Variants in AEBP2 observed in about 807,000 individuals in gnomAD.
The protein encoded by AEBP2 is zinc finger protein AEBP2.
A neutral mutation model predicts 50.8 loss-of-function variants in AEBP2; 10 were observed. That is an observed-to-expected ratio of 0.20 (90% CI 0.12 to 0.33). The LOEUF (loss-of-function observed/expected upper bound fraction) is 0.33, where lower values mean the gene tolerates loss of function less well. Among genes scored for constraint, AEBP2 ranks in the 10% least tolerant of loss-of-function variants. The pLI, the probability that AEBP2 is intolerant of heterozygous loss-of-function variation, is 1.00. For synonymous variants in AEBP2, 296 were observed against 261.3 expected (o/e 1.13, Z -1.28); for missense variants, 570 against 688.0 (o/e 0.83, Z 1.92).
Position 19,439,601 on chromosome 12 carries a change from G to A in AEBP2, c.-99G>A. 1.4e-6 allele frequency: 2 copies of A among 1,424,686 alleles called. No individual in the cohort carries two copies. Among genetic ancestry groups the A allele is most frequent in the Non-Finnish European group, 1.9e-6 (2 of 1,077,412 alleles). 88.3% of individuals were successfully genotyped at this position (1,424,686 alleles called of 1,614,324 possible). A position where few individuals can be genotyped will look rare whatever the true frequency, so the allele number is the denominator to read the frequency against. ...CCTCCTCCTGCTCTGCAGCGGCGTC[G>A]GCGGAGTTTTGGGCGTTTGGGAGGG... On this transcript the variant is annotated 5_prime_UTR_variant, in exon 1 of 8. Coordinates refer to ENST00000266508, the MANE Select transcript of AEBP2 (RefSeq NM_153207.5).
chr12:19,405,098 G>A (rs1317139947), intron 1 of AEBP2, among the ~76,000 whole-genome samples: 1 of 151,462 alleles, frequency 6.6e-6, no homozygotes, highest in African/African-American at 2.4e-5. Context: ...ACCACGCCCA[G>A]CTAATTTTTT....
chr12:19,473,421 A>AT, intron 3 of AEBP2, 66 bp downstream of exon 3: 3 of 522,138 alleles, frequency 5.7e-6, no homozygotes, highest in Non-Finnish European at 7.9e-6. Flanking sequence ...TTATTTATTT[A>AT]TGACAGAAGA....
chr12:19,500,061 T>C lies in AEBP2; in HGVS notation c.1175-36T>C, dbSNP rs766594420. ...TTTATTACTTATTACTGTTATGTTTTTCTAAATATTCTTTACTTTTTATGT... is the reference window on the plus strand; with the variant it reads ...TTTATTACTTATTACTGTTATGTTTCTCTAAATATTCTTTACTTTTTATGT... On this transcript the variant is annotated intron_variant, in intron 4 of 7. Coordinates refer to ENST00000266508, the MANE Select transcript of AEBP2 (RefSeq NM_153207.5). 3.2e-6 allele frequency: 5 copies of C among 1,557,258 alleles called. No homozygotes were observed. The East Asian group carries it at 1.2e-4, about 37-fold the overall frequency.
At chr12:19,445,056 C>G (rs1948035084) in intron 1 of AEBP2, among the ~76,000 whole-genome samples, 1 of 151,766 alleles carries the variant, frequency 6.6e-6, no homozygotes, top group African/African-American at 2.4e-5. Flanking sequence ...CTTGAGGTCT[C>G]TTGTCTATGA....
chr12:19,516,564 CAA>C (rs1399588921), intron 7 of AEBP2, among the ~76,000 whole-genome samples: 2 of 152,114 alleles, frequency 1.3e-5, no homozygotes, highest in African/African-American at 4.8e-5. Flanking sequence ...TGACTTAAAA[CAA>C]AATTTAAGCT....
intron 2 of AEBP2, among the ~76,000 whole-genome samples, chr12:19,464,346 G>C (rs534073651): frequency 2.0e-5 from 3 of 152,052 alleles, no homozygotes; most frequent in Non-Finnish European, 4.4e-5. Flanking sequence ...TGAGCATCAT[G>C]GCATGATGCT....
Position 19,440,045 on chromosome 12 carries a change from G to C in AEBP2, c.346G>C (p.Gly116Arg), listed in dbSNP as rs1241050391. The change falls in exon 1 of 8, where the codon GGT (glycine) becomes CGT (arginine). Residue 116 changes from glycine (G) to arginine (R), a missense_variant. Gly to Arg is a moderately radical substitution (Grantham distance 125). Coordinates refer to ENST00000266508, the MANE Select transcript of AEBP2 (RefSeq NM_153207.5). The stretch of plus-strand genomic sequence containing the variant: ...AGATGAGAGCAGCAGCAGCGGCGGG[G>C]GTGAGGAGGAGAGTAGCGCCGAGAG... ...EEDESSSSGG[G>R]EEESSAESLV... 1 of 1,523,856 alleles carries C rather than the reference G, an allele frequency of 6.6e-7. No homozygotes were observed. The highest frequency in any genetic ancestry group is 2.6e-5 in the East Asian group (1 of 38,864). The allele number at this position is 1,523,856 out of a possible 1,614,324, so 94.4% of individuals were successfully genotyped here.
intron 2 of AEBP2, among the ~76,000 whole-genome samples, chr12:19,472,631 A>T (rs926089396): frequency 2.6e-5 from 4 of 152,164 alleles, no homozygotes; most frequent in Non-Finnish European, 5.9e-5. Flanking sequence ...AGGGTCTCAA[A>T]TATCTCTCTA....
At chr12:19,454,940 C>A (rs1318267063) in intron 1 of AEBP2, among the ~76,000 whole-genome samples, 1 of 152,026 alleles carries the variant, frequency 6.6e-6, no homozygotes, top group Non-Finnish European at 1.5e-5. Context: ...AAAAGTATTC[C>A]CGTTTAGAAA....
At chr12:19,499,890 G>A (rs922970986) in intron 4 of AEBP2, among the ~76,000 whole-genome samples, 2 of 152,052 alleles carry the variant, frequency 1.3e-5, no homozygotes, top group Non-Finnish European at 2.9e-5. Context: ...ACTCACCAAG[G>A]GTCAGAATTA....
intron 5 of AEBP2, among the ~76,000 whole-genome samples, chr12:19,503,819 A>G (rs1420770523): frequency 1.3e-5 from 2 of 151,830 alleles, no homozygotes; most frequent in Admixed American, 1.3e-4. Context: ...ACCACGCCCT[A>G]CTGATATCCT....
At chr12:19,501,506 G>A (rs1350759854) in intron 5 of AEBP2, among the ~76,000 whole-genome samples, 1 of 151,976 alleles carries the variant, frequency 6.6e-6, no homozygotes, top group African/African-American at 2.4e-5. Context: ...GCATAGTGGT[G>A]TGCACCTGTA....
In AEBP2 at chr12:19,451,063, G is replaced by A. The variant is rs1242106572; in HGVS notation, c.671+10693G>A. 4.6e-5 allele frequency among the ~76,000 whole-genome samples: 7 copies of A among 152,152 alleles called. No homozygotes were observed. In the South Asian group the frequency reaches 1.2e-3, roughly 27 times the overall value. ...TAATTTATCTGAAAGAAAAGGATAC[G>A]AATAACAGTTTATTAGAGTTGTAAG... On this transcript the variant is annotated intron_variant, in intron 1 of 7. Coordinates refer to ENST00000266508, the MANE Select transcript of AEBP2 (RefSeq NM_153207.5).
chr12:19,412,917 C>T (rs1318620541), intron 1 of AEBP2, among the ~76,000 whole-genome samples: 7 of 152,190 alleles, frequency 4.6e-5, no homozygotes, highest in South Asian at 2.1e-4. Flanking sequence ...GCCTCATGGC[C>T]GGCTCCGAGG....
intron 7 of AEBP2, among the ~76,000 whole-genome samples, chr12:19,517,486 A>G (rs1359746260): frequency 2.0e-5 from 3 of 152,246 alleles, no homozygotes; most frequent in African/African-American, 7.2e-5. Context: ...AATGATTTAC[A>G]TAGCATTTAT....
chr12:19,447,677 G>T (rs1396814045), intron 1 of AEBP2, among the ~76,000 whole-genome samples: 3 of 56,876 alleles, frequency 5.3e-5, no homozygotes, highest in Non-Finnish European at 1.0e-4. Context: ...TATTTACTTC[G>T]TAGAGTCATT....
intron 1 of AEBP2, among the ~76,000 whole-genome samples, chr12:19,445,387 T>G (rs1948042536): frequency 2.2e-5 from 3 of 133,600 alleles, no homozygotes; most frequent in Non-Finnish European, 5.0e-5. Flanking sequence ...TTTTTTTTTT[T>G]GTATTTTTAG....
In AEBP2 at chr12:19,518,807, C is replaced by A. The variant is rs1209942610; in HGVS notation, c.*690C>A. The A allele has an allele frequency of 6.7e-6, 8 of 1,194,938 alleles. No individual in the cohort carries two copies. The South Asian group carries it at 1.5e-4, about 23-fold the overall frequency. The allele number at this position is 1,194,938 out of a possible 1,614,324, so 74.0% of individuals were successfully genotyped here. Reference sequence around the variant, plus strand: ...GAGTGTTGCAGTATGTCTGGTGGCTCCCTTTTCAGGACTAGGGCTTTCTCA... The same window carrying A: ...GAGTGTTGCAGTATGTCTGGTGGCTACCTTTTCAGGACTAGGGCTTTCTCA... On this transcript the variant is annotated 3_prime_UTR_variant, in exon 8 of 8. Transcript: ENST00000266508.
intron 1 of AEBP2, among the ~76,000 whole-genome samples, chr12:19,432,978 A>G (rs1409125718): frequency 1.3e-5 from 2 of 152,134 alleles, no homozygotes; most frequent in Non-Finnish European, 2.9e-5. Flanking sequence ...CCCTTATGCA[A>G]TAGTGTGTTA....
Sources: gnomAD v4.1 joint callset for allele counts (sites outside exome capture counted in the v4.1 genomes callset) on GRCh38, gnomAD v4.1.1 for gene constraint, MANE v1.5 for transcripts, NCBI Gene and HGNC (gene_info 2026-07-23, HGNC 2026-07-21) for gene names.